Variants in GRID2 observed in about 807,000 individuals in gnomAD.
GRID2 encodes glutamate receptor ionotropic, delta-2.
Under a neutral mutation model 114.8 loss-of-function variants are expected in GRID2, and 33 were observed. The ratio of observed to expected loss-of-function variants is 0.29; its 90% CI spans 0.22 to 0.38. The LOEUF is 0.38. GRID2 is among the 10% of genes least tolerant of loss of function. GRID2 has a pLI of 1.00. For synonymous variants in GRID2, 505 were observed against 449.9 expected, an observed-to-expected ratio of 1.12 and a Z score of -1.55; for missense variants, 1,184 against 1,257.7, an observed-to-expected ratio of 0.94 and a Z score of 0.89.
chr4:92,757,245 G>C (rs538779873), intron 2 of GRID2, among the ~76,000 whole-genome samples: 31 of 152,088 alleles, frequency 2.0e-4, no homozygotes, highest in African/African-American at 7.0e-4. Context: ...CATTGTGGAG[G>C]CCACTTGTTT....
chr4:93,061,996 C>G (rs1249985214), intron 2 of GRID2, among the ~76,000 whole-genome samples: 1 of 152,194 alleles, frequency 6.6e-6, no homozygotes, highest in Admixed American at 6.6e-5. Flanking sequence ...GAGCACCTGT[C>G]CTGTGGCTCA....
At chr4:92,510,800 A>G (rs375503542) in intron 1 of GRID2, among the ~76,000 whole-genome samples, 2 of 151,596 alleles carry the variant, frequency 1.3e-5, no homozygotes, top group Non-Finnish European at 2.9e-5. Context: ...GAAAGCATAT[A>G]TACGTATTAA....
chr4:92,467,054 A>G (rs1257897916), intron 1 of GRID2, among the ~76,000 whole-genome samples: 3 of 151,812 alleles, frequency 2.0e-5, no homozygotes, highest in Non-Finnish European at 4.4e-5. Flanking sequence ...ATTAGAGAAC[A>G]TTTTAATTAT....
At chr4:93,133,959 T>A (rs1503213) in intron 4 of GRID2, among the ~76,000 whole-genome samples, 72,814 of 151,732 alleles carry the variant, frequency 0.48, 17,922 homozygotes, top group Admixed American at 0.62. Context: ...ACATAGCAAC[T>A]GAAAAAGAAG....
chr4:93,349,535 T>A, intron 8 of GRID2, among the ~76,000 whole-genome samples: 1 of 152,098 alleles, frequency 6.6e-6, no homozygotes, highest in East Asian at 1.9e-4. Flanking sequence ...TTGCTCCTTC[T>A]AGCCCCATAG....
At chr4:92,575,756 C>G (rs1425983306) in intron 1 of GRID2, among the ~76,000 whole-genome samples, 2 of 152,142 alleles carry the variant, frequency 1.3e-5, no homozygotes, top group Admixed American at 1.3e-4. Context: ...GCTCCCAATC[C>G]TTTAGGGCTC....
chr4:92,408,950 T>G (rs1270692072), intron 1 of GRID2, among the ~76,000 whole-genome samples: 1 of 152,114 alleles, frequency 6.6e-6, no homozygotes, highest in Non-Finnish European at 1.5e-5. Flanking sequence ...ATTTTGATGC[T>G]TTTTATTTTA....
chr4:92,305,544 C>A (rs1438469314), intron 1 of GRID2, among the ~76,000 whole-genome samples: 2 of 152,166 alleles, frequency 1.3e-5, no homozygotes, highest in Non-Finnish European at 2.9e-5. Context: ...CCTCGCCTCG[C>A]AGTCAACTCC....
intron 1 of GRID2, among the ~76,000 whole-genome samples, chr4:92,453,704 G>C (rs978252236): frequency 1.3e-5 from 2 of 152,114 alleles, no homozygotes; most frequent in African/African-American, 2.4e-5. Context: ...CCTAGTGTTT[G>C]TGAAAGGCTT....
chr4:92,536,437 G>A (rs1163667628), intron 1 of GRID2, among the ~76,000 whole-genome samples: 1 of 152,082 alleles, frequency 6.6e-6, no homozygotes, highest in Non-Finnish European at 1.5e-5. Flanking sequence ...ACGTTGCATA[G>A]TACTAGACAG....
intron 14 of GRID2, among the ~76,000 whole-genome samples, chr4:93,679,007 A>G (rs1054299117): frequency 1.3e-5 from 2 of 151,286 alleles, no homozygotes; most frequent in Non-Finnish European, 2.9e-5. Context: ...GTCAAGACCC[A>G]TCAGTGTGCT....
intron 13 of GRID2, among the ~76,000 whole-genome samples, chr4:93,569,065 G>A (rs896132364): frequency 5.9e-5 from 9 of 152,086 alleles, no homozygotes; most frequent in African/African-American, 2.2e-4. Context: ...TCTCTCTAGG[G>A]AGAACTTGAG....
chr4:93,003,274 A>G (rs926106294), intron 2 of GRID2, among the ~76,000 whole-genome samples: 1 of 151,960 alleles, frequency 6.6e-6, no homozygotes, highest in Admixed American at 6.6e-5. Flanking sequence ...CAATTTTTTG[A>G]AAAATAAAAC....
At chr4:93,413,746 TCTC>T (rs1045000019) in intron 9 of GRID2, among the ~76,000 whole-genome samples, 7 of 152,198 alleles carry the variant, frequency 4.6e-5, no homozygotes, top group Non-Finnish European at 8.8e-5. Context: ...TATTTTTTCT[TCTC>T]ATAAATAATA....
intron 14 of GRID2, among the ~76,000 whole-genome samples, chr4:93,665,665 CA>C (rs1287296380): frequency 6.6e-6 from 1 of 152,144 alleles, no homozygotes; most frequent in African/African-American, 2.4e-5. Flanking sequence ...TATAAGTTGA[CA>C]TTCATTAAGT....
At chr4:93,690,316 G>A (rs1726446513) in intron 14 of GRID2, among the ~76,000 whole-genome samples, 1 of 151,864 alleles carries the variant, frequency 6.6e-6, no homozygotes, top group South Asian at 2.1e-4. Context: ...TGGAGGAAGG[G>A]GCTTCTGAGA....
intron 8 of GRID2, among the ~76,000 whole-genome samples, chr4:93,350,754 C>T (rs1320886111): frequency 6.6e-6 from 1 of 152,018 alleles, no homozygotes; most frequent in East Asian, 1.9e-4. Context: ...TAGTAATCAG[C>T]AGAACCAGAC....
chr4:92,371,064 T>C (rs1729095084), intron 1 of GRID2, among the ~76,000 whole-genome samples: 1 of 152,134 alleles, frequency 6.6e-6, no homozygotes, highest in South Asian at 2.1e-4. Context: ...ATAAAAGACC[T>C]AAATCTCTTT....
chr4:92,797,628 T>C (rs946864882), intron 2 of GRID2, among the ~76,000 whole-genome samples: 2 of 152,014 alleles, frequency 1.3e-5, no homozygotes, highest in Non-Finnish European at 2.9e-5. Flanking sequence ...TATTTTATGA[T>C]AGTGAATGAT....
Sources: allele counts gnomAD v4.1 joint callset (sites outside exome capture counted in the v4.1 genomes callset), GRCh38; gene constraint gnomAD v4.1.1; transcripts MANE v1.5; gene names NCBI Gene and HGNC (gene_info 2026-07-23, HGNC 2026-07-21).